Variants in KCNB2 observed in about 807,000 individuals in gnomAD.
KCNB2 encodes delayed rectifier potassium channel protein.
KCNB2 carries 15 observed loss-of-function variants against 61.5 expected under a neutral mutation model. The observed-to-expected ratio is 0.24, with a 90% confidence interval of 0.16 to 0.38. KCNB2 has a LOEUF of 0.38. KCNB2 is among the 10% of genes least tolerant of loss of function. The probability of loss-of-function intolerance (pLI) is 1.00; values close to 1 mark genes in which losing one functional copy is unlikely to be tolerated. For synonymous variants in KCNB2, 457 were observed against 446.0 expected (o/e 1.02, Z -0.31); for missense variants, 828 against 1,125.2 (o/e 0.74, Z 3.78).
chr8:72,766,127 C>T (rs2245261), intron 2 of KCNB2, among the ~76,000 whole-genome samples: 51,269 of 152,026 alleles, frequency 0.34, 9,022 homozygotes, highest in African/African-American at 0.42. Flanking sequence ...TTCCTAGGGA[C>T]ACCTTTGAAC....
intron 2 of KCNB2, among the ~76,000 whole-genome samples, chr8:72,618,178 G>A (rs989653392): frequency 6.6e-6 from 1 of 151,388 alleles, no homozygotes; most frequent in African/African-American, 2.4e-5. Context: ...AGATGCACAT[G>A]TGTGTTAAAA....
chr8:72,849,316 TCAAA>T (rs1201178705), intron 2 of KCNB2, among the ~76,000 whole-genome samples: 25 of 152,176 alleles, frequency 1.6e-4, no homozygotes, highest in African/African-American at 5.8e-4. Flanking sequence ...ATCCATCATC[TCAAA>T]CATTATCATT....
chr8:72,801,274 T>A (rs561004507), intron 2 of KCNB2, among the ~76,000 whole-genome samples: 2 of 152,322 alleles, frequency 1.3e-5, no homozygotes, highest in African/African-American at 4.8e-5. Context: ...ACCTAAGATA[T>A]CTTTATTGCT....
chr8:72,597,301 TG>T (rs1807215626), intron 2 of KCNB2, among the ~76,000 whole-genome samples: 1 of 152,198 alleles, frequency 6.6e-6, no homozygotes, highest in Non-Finnish European at 1.5e-5. Flanking sequence ...TCCAAAGTGC[TG>T]GGATTACAGG....
intron 2 of KCNB2, among the ~76,000 whole-genome samples, chr8:72,584,302 G>A (rs921018531): frequency 2.0e-5 from 3 of 152,112 alleles, no homozygotes; most frequent in Admixed American, 2.0e-4. Context: ...GTCCATGAAA[G>A]CGGGGAGAGT....
At chr8:72,790,527 G>C (rs975672350) in intron 2 of KCNB2, among the ~76,000 whole-genome samples, 2 of 152,142 alleles carry the variant, frequency 1.3e-5, no homozygotes, top group African/African-American at 2.4e-5. Flanking sequence ...CCAGATTATA[G>C]TGGGTAATGG....
At chr8:72,774,124 A>G (rs1808608711) in intron 2 of KCNB2, among the ~76,000 whole-genome samples, 1 of 152,194 alleles carries the variant, frequency 6.6e-6, no homozygotes, top group South Asian at 2.1e-4. Context: ...ATTGTATAAT[A>G]AGGAAACTGA....
At chr8:72,568,720 AG>A (rs2128979116) in intron 2 of KCNB2, among the ~76,000 whole-genome samples, 1 of 152,282 alleles carries the variant, frequency 6.6e-6, no homozygotes, top group East Asian at 1.9e-4. Context: ...GAAGGAGAGG[AG>A]GTACCTCTTA....
intron 2 of KCNB2, among the ~76,000 whole-genome samples, chr8:72,777,981 T>C (rs1808684110): frequency 6.6e-6 from 1 of 152,248 alleles, no homozygotes; most frequent in African/African-American, 2.4e-5. Flanking sequence ...TGTTTAGCTT[T>C]CTTAAAGTCA....
At position 72,639,776 on chromosome 8, in the gene KCNB2, G is replaced by T. The variant is rs573144473; in HGVS notation, c.579+71463G>T. On this transcript the variant is annotated intron_variant, in intron 2 of 2. Coordinates refer to ENST00000523207, the MANE Select transcript of KCNB2 (RefSeq NM_004770.3). ...ACCAGTGAAACACGATTTCAAGGGA[G>T]AGGGCATGACATCGGTCTATTTTTT... 1.5e-4 allele frequency among the ~76,000 whole-genome samples: 23 copies of T among 152,208 alleles called. No homozygotes were observed. The South Asian group carries it at 4.8e-3, about 32-fold the overall frequency.
At chr8:72,846,759 C>T (rs1332336158) in intron 2 of KCNB2, among the ~76,000 whole-genome samples, 1 of 152,130 alleles carries the variant, frequency 6.6e-6, no homozygotes, top group Non-Finnish European at 1.5e-5. Flanking sequence ...CAAGAAACAA[C>T]AGGTGCTGGA....
At chr8:72,884,228 T>G (rs1805766273) in intron 2 of KCNB2, among the ~76,000 whole-genome samples, 1 of 152,188 alleles carries the variant, frequency 6.6e-6, no homozygotes, top group Non-Finnish European at 1.5e-5. Flanking sequence ...CACCATAGAT[T>G]GTCTATTCCT....
At chr8:72,743,547 T>C (rs991025001) in intron 2 of KCNB2, among the ~76,000 whole-genome samples, 2 of 152,218 alleles carry the variant, frequency 1.3e-5, no homozygotes, top group Non-Finnish European at 2.9e-5. Flanking sequence ...TAGTTAAATT[T>C]AGGGTGTTGA....
At chr8:72,867,364 A>G (rs947363813) in intron 2 of KCNB2, among the ~76,000 whole-genome samples, 1 of 152,226 alleles carries the variant, frequency 6.6e-6, no homozygotes, top group African/African-American at 2.4e-5. Flanking sequence ...ACAGTGGGCC[A>G]GAGGCCGGGA....
chr8:72,735,117 G>C (rs945476464), intron 2 of KCNB2, among the ~76,000 whole-genome samples: 2 of 152,094 alleles, frequency 1.3e-5, no homozygotes, highest in Non-Finnish European at 2.9e-5. Context: ...TCAAATTATA[G>C]TCACTTTATA....
chr8:72,728,548 G>C (rs921979503), intron 2 of KCNB2, among the ~76,000 whole-genome samples: 1 of 152,162 alleles, frequency 6.6e-6, no homozygotes, highest in African/African-American at 2.4e-5. Flanking sequence ...AATATAAAAT[G>C]AGACTGTAGC....
At chr8:72,576,535 A>G (rs1387086547) in intron 2 of KCNB2, among the ~76,000 whole-genome samples, 1 of 152,218 alleles carries the variant, frequency 6.6e-6, no homozygotes, top group Non-Finnish European at 1.5e-5. Flanking sequence ...AGATAACAGT[A>G]AGCTTGGGAA....
At chr8:72,920,979 A>T (rs1806510753) in intron 2 of KCNB2, among the ~76,000 whole-genome samples, 1 of 152,110 alleles carries the variant, frequency 6.6e-6, no homozygotes. Context: ...TAGAAGTCCT[A>T]AGCTAAAGTT....
At chr8:72,706,808 C>T (rs936292811) in intron 2 of KCNB2, among the ~76,000 whole-genome samples, 1 of 152,208 alleles carries the variant, frequency 6.6e-6, no homozygotes, top group African/African-American at 2.4e-5. Flanking sequence ...TGCTTTAAAT[C>T]ACATACTTCT....
Sources: allele counts gnomAD v4.1 joint callset (sites outside exome capture counted in the v4.1 genomes callset), GRCh38; gene constraint gnomAD v4.1.1; transcripts MANE v1.5; gene names NCBI Gene and HGNC (gene_info 2026-07-23, HGNC 2026-07-21).